CTDP1: variants seen among roughly 807,000 people sequenced by gnomAD.
The protein encoded by CTDP1 is CTD phosphatase 1.
CTDP1 carries 47 observed loss-of-function variants against 91.8 expected under a neutral mutation model. The ratio of observed to expected loss-of-function variants is 0.51; its 90% confidence interval spans 0.41 to 0.65. The LOEUF (loss-of-function observed/expected upper bound fraction) is 0.65. Ranked by LOEUF, CTDP1 falls within the 30% of genes least tolerant of loss-of-function variation. CTDP1 has a pLI of 0.00. For synonymous variants in CTDP1, 656 were observed against 598.5 expected (o/e 1.10, Z -1.40); for missense variants, 1,272 against 1,373.7 (o/e 0.93, Z 1.17).
Position 79,715,001 on chromosome 18 carries a change from C to T in CTDP1, c.1541C>T (p.Pro514Leu). 6.3e-7 allele frequency: 1 copy of T among 1,586,188 alleles called. No individual in the cohort carries two copies. The highest frequency in any genetic ancestry group is 8.6e-7 in the Non-Finnish European group (1 of 1,167,500). Residue 514 changes from proline (P) to leucine (L), a missense_variant, in exon 8 of 13, where the codon CCC becomes CTC. By Grantham distance (98) the Pro-to-Leu change is moderately conservative. This residue lies in a region of CTDP1 where 881 missense variants were observed against 911.6 expected (regional missense o/e 0.97). Transcript: ENST00000613122. ...EPGRPAAPSL[P>L]GEAEPGAHAP... is the part of the protein sequence containing the mutation. ...GGGCGGCCTGCAGCACCGAGTCTCC[C>T]CGGAGAGGCCGAGCCTGGCGCGCAT...
Position 79,696,015 on chromosome 18 carries a change from C to G in CTDP1, c.437C>G (p.Ser146Cys). ...SKNGKQQVPL[S>C]TATVSMVHSV... ...AACGGGAAGCAGCAGGTGCCGCTGT[C>G]CACGGCGACCGTGTCCATGGTGCAC... is the stretch of plus-strand genomic sequence containing the variant. The change falls in exon 3 of 13, where the codon TCC (serine) becomes TGC (cysteine). Residue 146 changes from serine (S) to cysteine (C), a missense_variant. By Grantham distance (112) the Ser-to-Cys change is moderately radical. This residue lies in a region of CTDP1 where 177 missense variants were observed against 283.0 expected (regional missense o/e 0.63). Transcript: ENST00000613122. 1 of 1,612,678 alleles carries G rather than the reference C, an allele frequency of 6.2e-7. No individual in the cohort carries two copies. Among genetic ancestry groups the G allele is most frequent in the Non-Finnish European group, 8.5e-7 (1 of 1,180,040 alleles).
chr18:79,743,917 G>C (rs757468808), intron 12 of CTDP1, among the ~76,000 whole-genome samples: 1 of 152,188 alleles, frequency 6.6e-6, no homozygotes, highest in Admixed American at 6.5e-5. Flanking sequence ...GGGCCAGCCT[G>C]CCTCCCGTTC....
At chr18:79,688,757 G>A (rs1207290410) in intron 1 of CTDP1, among the ~76,000 whole-genome samples, 2 of 151,944 alleles carry the variant, frequency 1.3e-5, no homozygotes, top group African/African-American at 2.4e-5. Context: ...TGGCCAGGCT[G>A]GTCTGGAACT....
At chr18:79,708,575 TC>T (rs2086016190) in intron 5 of CTDP1, among the ~76,000 whole-genome samples, 1 of 152,252 alleles carries the variant, frequency 6.6e-6, no homozygotes, top group Non-Finnish European at 1.5e-5. Flanking sequence ...AGCCAGGCGT[TC>T]CAGTGAGACT....
chr18:79,690,467 G>A (rs189173892), intron 1 of CTDP1, among the ~76,000 whole-genome samples: 24 of 152,338 alleles, frequency 1.6e-4, no homozygotes, highest in Admixed American at 1.0e-3. Context: ...TTACGTTTGT[G>A]TATCCGCATT....
chr18:79,755,817 G>C (rs2087085239), downstream of CTDP1: 1 of 152,624 alleles, frequency 6.6e-6, no homozygotes, highest in Non-Finnish European at 1.5e-5. Context: ...GACCTCTGCT[G>C]CTGGGTCTGG....
chr18:79,746,203 G>C (rs865993010), intron 12 of CTDP1, among the ~76,000 whole-genome samples: 173 of 13,042 alleles, frequency 0.013, 52 homozygotes, highest in Non-Finnish European at 0.023. Context: ...CTCCCGTGCG[G>C]GTTCTGTCCC....
Position 79,715,027 on chromosome 18 carries a change from G to T in CTDP1, c.1567G>T (p.Ala523Ser). 1.9e-6 allele frequency: 3 copies of T among 1,603,646 alleles called. No homozygotes were observed. The South Asian group carries it at 3.4e-5, about 18-fold the overall frequency. The change falls in exon 8 of 13, where the codon GCC (alanine) becomes TCC (serine). Residue 523 changes from alanine (A) to serine (S), a missense_variant. By Grantham distance (99) the Ala-to-Ser change is moderately conservative (BLOSUM62 1). Transcript: ENST00000613122. Reference protein sequence around the residue: ...LPGEAEPGAHAPDKEPELGGQ... With the variant: ...LPGEAEPGAHSPDKEPELGGQ... ...CGGAGAGGCCGAGCCTGGCGCGCAT[G>T]CCCCGGACAAGGAGCCTGAGCTGGG...
intron 12 of CTDP1, among the ~76,000 whole-genome samples, chr18:79,742,665 T>TA (rs2086803453): frequency 6.6e-6 from 1 of 152,262 alleles, no homozygotes; most frequent in African/African-American, 2.4e-5. Flanking sequence ...TATAAGACTC[T>TA]ATGCCTGGAC....
intron 5 of CTDP1, among the ~76,000 whole-genome samples, chr18:79,706,232 C>A (rs1040180368): frequency 2.0e-5 from 3 of 152,226 alleles, no homozygotes; most frequent in African/African-American, 7.2e-5. Flanking sequence ...GCCTCCAGAA[C>A]TGTGAGGAAG....
chr18:79,706,989 C>T (rs1169196672), intron 5 of CTDP1, among the ~76,000 whole-genome samples: 1 of 152,264 alleles, frequency 6.6e-6, no homozygotes, highest in Non-Finnish European at 1.5e-5. Context: ...TTCGGATTTC[C>T]TTCTCCAGGT....
chr18:79,706,617 AC>A (rs2122570922), intron 5 of CTDP1, among the ~76,000 whole-genome samples: 1 of 152,256 alleles, frequency 6.6e-6, no homozygotes, highest in South Asian at 2.1e-4. Flanking sequence ...AAGTTTACAT[AC>A]CGTTCTTTTC....
rs867198820 is a variant in CTDP1 at position 79,715,505 on chromosome 18, C to A, written c.2045C>A (p.Thr682Lys). 1 of 1,563,130 alleles carries A rather than the reference C, an allele frequency of 6.4e-7. No individual in the cohort carries two copies. The highest frequency in any genetic ancestry group is 8.6e-7 in the Non-Finnish European group (1 of 1,157,138). The part of the protein sequence containing the change: ...VLSPDAPDRA[T>K]HLIAARAGTE... ...AGCCCCGACGCCCCTGACAGGGCCA[C>A]GCACCTGATCGCCGCGCGAGCTGGT... Residue 682 changes from threonine (T) to lysine (K), a missense_variant, in exon 8 of 13, where the codon ACG becomes AAG. Coordinates refer to ENST00000613122, the MANE Select transcript of CTDP1 (RefSeq NM_004715.5).
chr18:79,750,854 AAG>A (rs1325881480), intron 12 of CTDP1, among the ~76,000 whole-genome samples: 1 of 151,536 alleles, frequency 6.6e-6, no homozygotes, highest in Non-Finnish European at 1.5e-5. Context: ...CTTTTTAAGA[AAG>A]GATCTCATGG....
At chr18:79,705,105 C>T (rs1385122910) in intron 5 of CTDP1, among the ~76,000 whole-genome samples, 188 bp downstream of exon 5, 1 of 152,160 alleles carries the variant, frequency 6.6e-6, no homozygotes, top group Non-Finnish European at 1.5e-5. Flanking sequence ...TTGGGTGGGG[C>T]CGCGGCTGCT....
intron 11 of CTDP1, among the ~76,000 whole-genome samples, chr18:79,734,619 C>T (rs562611617): frequency 6.6e-6 from 1 of 151,960 alleles, no homozygotes; most frequent in African/African-American, 2.4e-5. Flanking sequence ...CGTGGGCTGC[C>T]GTGCTGGCCG....
chr18:79,681,103 G>A (rs557780344), intron 1 of CTDP1: 1 of 152,494 alleles, frequency 6.6e-6, no homozygotes, highest in African/African-American at 2.4e-5. Flanking sequence ...TTCCCTCCTC[G>A]GCAGCCGCGG....
chr18:79,714,828 C>T lies in CTDP1; in HGVS notation c.1368C>T (p.Ser456=), dbSNP rs534283873. ...CTGACCTGGACTTTGACTTATCCAG[C>T]GACAGCGAGAGCAGCAGTGAGTCCG... ...TGTDLDFDLS[S]DSESSSESEG... The change falls in exon 8 of 13, where the codon AGC becomes AGT. Residue 456 remains serine (S), a synonymous_variant. Coordinates refer to ENST00000613122, the MANE Select transcript of CTDP1 (RefSeq NM_004715.5). 12 of 1,600,592 alleles carry T rather than the reference C, an allele frequency of 7.5e-6. No individual in the cohort carries two copies. In the South Asian group the frequency reaches 7.9e-5, roughly 11 times the overall value.
chr18:79,706,082 G>A (rs2085961669), intron 5 of CTDP1, among the ~76,000 whole-genome samples: 1 of 152,190 alleles, frequency 6.6e-6, no homozygotes, highest in Non-Finnish European at 1.5e-5. Context: ...GGGCGTGGGA[G>A]GTGGTGAGGT....
Sources: gnomAD v4.1 joint callset for allele counts (sites outside exome capture counted in the v4.1 genomes callset) on GRCh38, gnomAD v4.1.1 for gene constraint, gnomAD v4.1.1 regional missense constraint, MANE v1.5 for transcripts, NCBI Gene and HGNC (gene_info 2026-07-23, HGNC 2026-07-21) for gene names.